PRRC2B: variants seen among roughly 807,000 people sequenced by gnomAD.
PRRC2B encodes proline rich coiled-coil 2B, also known as protein PRRC2B.
In PRRC2B, 68 loss-of-function variants were observed where a neutral mutation model predicts 242.3. The ratio of observed to expected loss-of-function variants is 0.28; its 90% confidence interval spans 0.23 to 0.34. The LOEUF (loss-of-function observed/expected upper bound fraction) is 0.34, where lower values mean the gene tolerates loss of function less well. PRRC2B is among the 10% of genes least tolerant of loss of function. The pLI is 1.00. For synonymous variants in PRRC2B, 1,228 were observed against 1,173.6 expected (o/e 1.05, Z -0.95); for missense variants, 2,835 against 2,954.8 (o/e 0.96, Z 0.94).
chr9:131,406,525 A>G (rs1387830696), intron 1 of PRRC2B, among the ~76,000 whole-genome samples: 1 of 152,206 alleles, frequency 6.6e-6, no homozygotes, highest in Non-Finnish European at 1.5e-5. Context: ...TCAGGCCGAC[A>G]GGAGTGTTCC....
chr9:131,495,865 T>G lies in PRRC2B; in HGVS notation c.6681T>G (p.Ser2227Arg). The G allele has an allele frequency of 6.2e-7, 1 of 1,605,526 alleles. No homozygotes were observed. Among genetic ancestry groups the G allele is most frequent in the East Asian group, 2.2e-5 (1 of 44,606 alleles). Reference sequence around the variant, plus strand: ...CTCGGGCTGTCAAAGTGGAGGAGAGTAAGGCCTGACAGTGCCTGGCTGCCA... The same window carrying G: ...CTCGGGCTGTCAAAGTGGAGGAGAGGAAGGCCTGACAGTGCCTGGCTGCCA... ...IKPRAVKVEE[S>R]KA is the part of the protein sequence containing the mutation. Residue 2227 changes from serine to arginine, a missense_variant, in exon 32 of 32, where the codon AGT becomes AGG. Around this residue, in one of 7 missense-constraint regions of PRRC2B, gnomAD observed 574 missense variants for 626.0 expected, o/e 0.92. Coordinates refer to ENST00000683519, the MANE Select transcript of PRRC2B (RefSeq NM_013318.4).
chr9:131,460,462 C>G (rs1208283493), intron 11 of PRRC2B, among the ~76,000 whole-genome samples: 3 of 152,200 alleles, frequency 2.0e-5, no homozygotes, highest in Non-Finnish European at 4.4e-5. Flanking sequence ...CCTGACTTTT[C>G]TCATTTCATC....
intron 28 of PRRC2B, chr9:131,490,394 A>G (rs1944154406): frequency 1.9e-6 from 1 of 513,930 alleles, no homozygotes; most frequent in African/African-American, 1.9e-5. Flanking sequence ...TCAGCACTCT[A>G]TAAATGGCAG....
rs909511641 is a variant in PRRC2B at position 131,487,091 on chromosome 9, C to T, written c.5857-76C>T. 6 of 1,340,736 alleles carry T rather than the reference C, an allele frequency of 4.5e-6. No individual in the cohort carries two copies. The African/African-American group carries it at 7.2e-5, about 16-fold the overall frequency. 83.1% of individuals were successfully genotyped at this position (1,340,736 alleles called of 1,614,324 possible). On this transcript the variant is annotated intron_variant, in intron 26 of 31. Coordinates refer to ENST00000683519, the MANE Select transcript of PRRC2B (RefSeq NM_013318.4). The surrounding 1 kb of genome is among the most constrained non-coding windows in gnomAD (Gnocchi z 5.3). ...GTTCCAGCAGCCATGTGGAGAGGGG[C>T]AGGGGAGGTGGGAGGGGAAGAACCA...
chr9:131,450,053 G>A (rs1013972355), intron 9 of PRRC2B, among the ~76,000 whole-genome samples: 1 of 152,158 alleles, frequency 6.6e-6, no homozygotes, highest in Non-Finnish European at 1.5e-5. Flanking sequence ...TCTGGACACT[G>A]TTCCATTGAT....
chr9:131,459,293 G>A lies in PRRC2B; in HGVS notation c.1341G>A (p.Lys447=), dbSNP rs760338982. The change falls in exon 11 of 32, where the codon AAG becomes AAA. Residue 447 remains lysine (K), a synonymous_variant. Transcript: ENST00000683519. The part of the protein sequence containing the change: ...EAVGASRVVR[K]APDPQPPPRK... ...TGGGTGCGTCCCGTGTGGTCCGAAAGGCGCCAGACCCTCAGCCACCGCCCA... is the reference window on the plus strand; with the variant it reads ...TGGGTGCGTCCCGTGTGGTCCGAAAAGCGCCAGACCCTCAGCCACCGCCCA... The A allele has an allele frequency of 6.2e-6, 10 of 1,613,832 alleles. No homozygotes were observed. In the East Asian group the frequency reaches 2.2e-4, roughly 36 times the overall value.
chr9:131,402,063 G>A (rs570398757), intron 1 of PRRC2B, among the ~76,000 whole-genome samples: 1 of 151,950 alleles, frequency 6.6e-6, no homozygotes, highest in Non-Finnish European at 1.5e-5. Context: ...TCTACCTCCC[G>A]GGTTCAAGCG....
chr9:131,455,257 T>C, intron 10 of PRRC2B, 91 bp downstream of exon 10: 2 of 858,892 alleles, frequency 2.3e-6, no homozygotes, highest in Non-Finnish European at 1.8e-6. Flanking sequence ...CATAGCAACC[T>C]GGAATGGCAG....
At chr9:131,388,420 C>T (rs112613519) in intron 1 of PRRC2B, among the ~76,000 whole-genome samples, 2 of 148,366 alleles carry the variant, frequency 1.3e-5, no homozygotes, top group East Asian at 2.0e-4. Context: ...TTTTGTATTT[C>T]GTAGAGATGG....
intron 26 of PRRC2B, 34 bp downstream of exon 26, chr9:131,486,216 G>T: frequency 1.4e-6 from 2 of 1,429,256 alleles, no homozygotes; most frequent in Non-Finnish European, 2.0e-6. Context: ...CTGGCTGGGG[G>T]TGGTGGGGAG....
upstream of PRRC2B, among the ~76,000 whole-genome samples, chr9:131,389,924 T>C (rs990142131): frequency 2.0e-4 from 26 of 130,666 alleles, no homozygotes; most frequent in African/African-American, 6.3e-4. Flanking sequence ...TGTTTTTTTT[T>C]TTGTTTTTTT....
At chr9:131,384,083 ATTTTTTT>A (rs111724850) in intron 1 of PRRC2B, among the ~76,000 whole-genome samples, 7 of 58,990 alleles carry the variant, frequency 1.2e-4, no homozygotes, top group Admixed American at 2.4e-4. Flanking sequence ...ATACCCGGCT[ATTTTTTT>A]TTTTTTTTTT....
In PRRC2B at chr9:131,499,478, G is replaced by T. The variant is rs1376164198; in HGVS notation, c.*3604G>T. The T allele has an allele frequency of 6.6e-6, 1 of 152,282 alleles. No individual in the cohort carries two copies. Among genetic ancestry groups the T allele is most frequent in the African/African-American group, 2.4e-5 (1 of 41,460 alleles). The allele number at this position is 152,282 out of a possible 1,614,324, so 9.4% of individuals were successfully genotyped here. On this transcript the variant is annotated 3_prime_UTR_variant, in exon 32 of 32. Coordinates refer to ENST00000683519, the MANE Select transcript of PRRC2B (RefSeq NM_013318.4). ...GGATGTGTGCACTCTGTCGTGTTCT[G>T]TGATGAATGGGAAACGTAGGCTTCC...
chr9:131,377,743 C>T (rs1222656694), intron 1 of PRRC2B, among the ~76,000 whole-genome samples: 2 of 152,124 alleles, frequency 1.3e-5, no homozygotes, highest in South Asian at 2.1e-4. Context: ...CTCCTCTCCT[C>T]TCTGTTTTGT....
At chr9:131,409,685 G>A (rs892010288) in intron 1 of PRRC2B, among the ~76,000 whole-genome samples, 14 of 152,178 alleles carry the variant, frequency 9.2e-5, no homozygotes, top group African/African-American at 3.4e-4. Context: ...GCTGCTCCAG[G>A]CTTCGTATTC....
intron 11 of PRRC2B, among the ~76,000 whole-genome samples, chr9:131,460,138 G>C (rs904033196): frequency 2.0e-5 from 3 of 152,118 alleles, no homozygotes; most frequent in Non-Finnish European, 4.4e-5. Flanking sequence ...ACCAAGATGG[G>C]GACATTCCAC....
intron 11 of PRRC2B, among the ~76,000 whole-genome samples, chr9:131,462,836 TAA>T (rs553444971): frequency 6.0e-4 from 49 of 81,930 alleles, no homozygotes; most frequent in Middle Eastern, 7.8e-3. Flanking sequence ...AGACTCCGTC[TAA>T]AAAAAAAAAA....
intron 8 of PRRC2B, 92 bp downstream of exon 8, chr9:131,447,298 C>T: frequency 1.3e-6 from 2 of 1,489,420 alleles, no homozygotes; most frequent in Non-Finnish European, 1.8e-6. Context: ...AGTGCTGTGT[C>T]TCCTGGAGAC....
At position 131,499,163 on chromosome 9, in the gene PRRC2B, C is replaced by G. The variant is rs1355859418; in HGVS notation, c.*3289C>G. On this transcript the variant is annotated 3_prime_UTR_variant, in exon 32 of 32. Transcript: ENST00000683519. ...GGGGAACCTTGTTAAACGTTGACAT[C>G]AGTGCTCTCCAGCCGTGCTGTCACC... 6.6e-6 allele frequency: 1 copy of G among 152,200 alleles called. No individual in the cohort carries two copies. The highest frequency in any genetic ancestry group is 6.5e-5 in the Admixed American group (1 of 15,284). 9.4% of individuals were successfully genotyped at this position (152,200 alleles called of 1,614,324 possible). A position where few individuals can be genotyped will look rare whatever the true frequency, so the allele number is the denominator to read the frequency against.
Sources: gnomAD v4.1 joint callset for allele counts (sites outside exome capture counted in the v4.1 genomes callset) on GRCh38, gnomAD v4.1.1 for gene constraint, gnomAD v4.1.1 regional missense constraint, Gnocchi (gnomAD v3.1) non-coding constraint, MANE v1.5 for transcripts, NCBI Gene and HGNC (gene_info 2026-07-23, HGNC 2026-07-21) for gene names.